PSD3: variants seen among roughly 807,000 people sequenced by gnomAD.
PSD3 encodes pleckstrin and Sec7 domain containing 3, also known as PH and SEC7 domain-containing protein 3.
In PSD3, 49 loss-of-function variants were observed where a neutral mutation model predicts 105.5. The observed-to-expected ratio is 0.46, with a 90% CI of 0.37 to 0.59. The LOEUF (loss-of-function observed/expected upper bound fraction) is 0.59. Ranked by LOEUF, PSD3 falls within the 20% of genes least tolerant of loss-of-function variation. PSD3 has a pLI of 0.00. For synonymous variants in PSD3, 557 were observed against 457.8 expected, an observed-to-expected ratio of 1.22 and a Z score of -2.77; for missense variants, 1,561 against 1,263.8, an observed-to-expected ratio of 1.24 and a Z score of -3.57.
chr8:18,877,869 C>G (rs1294312153), intron 2 of PSD3, among the ~76,000 whole-genome samples: 1 of 152,164 alleles, frequency 6.6e-6, no homozygotes, highest in African/African-American at 2.4e-5. Context: ...CAGAATAACA[C>G]TGTCTTCACT....
At chr8:18,923,616 C>T (rs747218247) in intron 2 of PSD3, among the ~76,000 whole-genome samples, 18 of 152,002 alleles carry the variant, frequency 1.2e-4, no homozygotes, top group Admixed American at 2.6e-4. Context: ...TGTGTAGGTT[C>T]GTGGCCTAGA....
At chr8:18,591,307 G>C (rs1458062988) in intron 12 of PSD3, among the ~76,000 whole-genome samples, 3 of 152,138 alleles carry the variant, frequency 2.0e-5, no homozygotes, top group Non-Finnish European at 4.4e-5. Context: ...TCAGAGGGCT[G>C]CCTGGGTAAT....
intron 4 of PSD3, among the ~76,000 whole-genome samples, chr8:18,834,160 A>C (rs889069813): frequency 6.6e-6 from 1 of 152,330 alleles, no homozygotes; most frequent in African/African-American, 2.4e-5. Flanking sequence ...ATGAAAGATA[A>C]GAATGTAGAG....
chr8:19,035,521 A>AAC (rs1554572624), intron 1 of PSD3, among the ~76,000 whole-genome samples: 1 of 151,902 alleles, frequency 6.6e-6, no homozygotes, highest in Non-Finnish European at 1.5e-5. Flanking sequence ...TGTTAAAAAA[A>AAC]AACAACAAAA....
At chr8:19,020,466 A>C (rs557841401) in intron 1 of PSD3, among the ~76,000 whole-genome samples, 1 of 152,232 alleles carries the variant, frequency 6.6e-6, no homozygotes, top group East Asian at 1.9e-4. Flanking sequence ...CAGTGTGCCT[A>C]GGGCTGAGTG....
At chr8:18,576,208 C>T (rs1056034514) in intron 12 of PSD3, among the ~76,000 whole-genome samples, 5 of 152,144 alleles carry the variant, frequency 3.3e-5, no homozygotes, top group African/African-American at 1.2e-4. Context: ...GCCATCAATT[C>T]AAATTGAGTC....
Position 18,760,017 on chromosome 8 carries a change from G to C in PSD3, c.2172+5432C>G, listed in dbSNP as rs145381874. Among the ~76,000 whole-genome samples, 134 of 136,830 alleles carry C rather than the reference G, an allele frequency of 9.8e-4. 1 individual carries two copies. Among genetic ancestry groups the C allele is most frequent in the African/African-American group, 4.1e-3 (133 of 32,366 alleles). 89.8% of individuals were successfully genotyped at this position (136,830 alleles called of 152,430 possible). On this transcript the variant is annotated intron_variant, in intron 9 of 15. Coordinates refer to ENST00000327040, the MANE Select transcript of PSD3 (RefSeq NM_015310.4). ...CTTTTCTGTTACAAACAAGAACAAG[G>C]GTTTCCTAAGAAACTCAGTAGAAAT... is the stretch of plus-strand genomic sequence containing the variant.
intron 12 of PSD3, among the ~76,000 whole-genome samples, chr8:18,580,195 A>T (rs1802721210): frequency 6.6e-6 from 1 of 152,146 alleles, no homozygotes; most frequent in African/African-American, 2.4e-5. Context: ...TCACAAAAGG[A>T]AATAAAAACG....
At chr8:18,901,000 G>C (rs1436764552) in intron 2 of PSD3, among the ~76,000 whole-genome samples, 2 of 152,030 alleles carry the variant, frequency 1.3e-5, no homozygotes, top group South Asian at 2.1e-4. Flanking sequence ...GCATCTTTAT[G>C]TTTCTTTACA....
chr8:18,535,991 G>T (rs780229745), intron 15 of PSD3, 33 bp from the exon 16 acceptor site: 3 of 1,591,084 alleles, frequency 1.9e-6, no homozygotes, highest in Non-Finnish European at 2.6e-6. Context: ...ACGGTAGTCA[G>T]AAAACTGTTC....
chr8:19,082,853 G>T (rs1234313892), intron 1 of PSD3, among the ~76,000 whole-genome samples: 1 of 152,204 alleles, frequency 6.6e-6, no homozygotes, highest in African/African-American at 2.4e-5. Flanking sequence ...GAATTAGGAT[G>T]GAATGTGAAC....
intron 1 of PSD3, among the ~76,000 whole-genome samples, chr8:19,049,913 A>G (rs1217035048): frequency 6.6e-6 from 1 of 152,160 alleles, no homozygotes; most frequent in East Asian, 1.9e-4. Context: ...TGACAAACCC[A>G]TTAATAAAAA....
At chr8:18,652,406 G>C (rs1033479792) in intron 10 of PSD3, among the ~76,000 whole-genome samples, 1 of 150,990 alleles carries the variant, frequency 6.6e-6, no homozygotes, top group Non-Finnish European at 1.5e-5. Flanking sequence ...AGAAAGTCTA[G>C]TTAGAGAGGT....
rs764707639 is a variant in PSD3 at position 18,655,675 on chromosome 8, T to C, written c.2183A>G (p.Asn728Ser). 1.2e-6 allele frequency: 2 copies of C among 1,613,700 alleles called. No individual in the cohort carries two copies. The highest frequency in any genetic ancestry group is 1.3e-5 in the African/African-American group (1 of 75,034). Reference protein sequence around the residue: ...FSKDLLKALYNSIKNEKLEWA... With the variant: ...FSKDLLKALYSSIKNEKLEWA... ...TTCAAGCTTCTCATTCTTGATTGAGTTGTACAGAGCCTGTAAAGAGAGAAA... is the reference window on the plus strand; with the variant it reads ...TTCAAGCTTCTCATTCTTGATTGAGCTGTACAGAGCCTGTAAAGAGAGAAA... The change falls in exon 10 of 16, where the codon AAC becomes AGC. Residue 728 changes from asparagine (N) to serine (S), a missense_variant. Asn to Ser is a conservative substitution (Grantham distance 46). Transcript: ENST00000327040.
intron 1 of PSD3, among the ~76,000 whole-genome samples, chr8:18,995,670 A>C (rs1474189995): frequency 6.6e-6 from 1 of 152,112 alleles, no homozygotes; most frequent in East Asian, 1.9e-4. Flanking sequence ...TGCACAGCTC[A>C]GCTTGACTAG....
At chr8:19,065,477 G>A (rs185792219) in intron 1 of PSD3, among the ~76,000 whole-genome samples, 2 of 152,302 alleles carry the variant, frequency 1.3e-5, no homozygotes, top group East Asian at 3.9e-4. Flanking sequence ...CCAGTTTTAT[G>A]TCTGGGCCTC....
intron 9 of PSD3, among the ~76,000 whole-genome samples, chr8:18,728,258 G>A (rs554147617): frequency 2.0e-5 from 3 of 152,302 alleles, no homozygotes; most frequent in Admixed American, 2.0e-4. Flanking sequence ...AGAATTCAAT[G>A]AAAAGTTGAG....
chr8:18,962,980 G>C (rs1429811384), intron 1 of PSD3, among the ~76,000 whole-genome samples: 2 of 152,178 alleles, frequency 1.3e-5, no homozygotes, highest in African/African-American at 2.4e-5. Flanking sequence ...TGCTGATAAA[G>C]ACATACCTGA....
intron 9 of PSD3, among the ~76,000 whole-genome samples, chr8:18,722,113 G>A (rs115323065): frequency 2.2e-4 from 34 of 151,472 alleles, no homozygotes; most frequent in African/African-American, 7.5e-4. Flanking sequence ...TCCCAGCTGC[G>A]GTATTGAACT....
Sources: gnomAD v4.1 joint callset for allele counts (sites outside exome capture counted in the v4.1 genomes callset) on GRCh38, gnomAD v4.1.1 for gene constraint, MANE v1.5 for transcripts, NCBI Gene and HGNC (gene_info 2026-07-23, HGNC 2026-07-21) for gene names.